The following GALNT1 variants were observed in gnomAD, a reference collection of about 807,000 sequenced individuals.
GALNT1 encodes the protein polypeptide N-acetylgalactosaminyltransferase 1.
Under a neutral mutation model 65.7 loss-of-function variants are expected in GALNT1, and 17 were observed. The observed-to-expected ratio is 0.26, with a 90% CI of 0.18 to 0.39. GALNT1 has a LOEUF of 0.39. Ranked by LOEUF, GALNT1 falls within the 10% of genes least tolerant of loss-of-function variation. The probability of loss-of-function intolerance (pLI) is 1.00; values close to 1 mark genes in which losing one functional copy is unlikely to be tolerated. For missense variants in GALNT1, 460 were observed against 672.8 expected, an observed-to-expected ratio of 0.68 and a Z score of 3.50; for synonymous variants, 210 against 219.7, an observed-to-expected ratio of 0.96 and a Z score of 0.39.
At chr18:35,703,051 C>A (rs189014219) in intron 10 of GALNT1, 56 bp downstream of exon 10, 268 of 1,064,330 alleles carry the variant, frequency 2.5e-4, no homozygotes, top group East Asian at 8.0e-4. Context: ...TTTTACTTTG[C>A]CTTTTTTTTA....
At chr18:35,627,909 C>G (rs566737817) in intron 1 of GALNT1, among the ~76,000 whole-genome samples, 2 of 152,202 alleles carry the variant, frequency 1.3e-5, no homozygotes, top group African/African-American at 4.8e-5. Flanking sequence ...AAACGGCACA[C>G]CAGGAGATTA....
chr18:35,697,597 T>G (rs1202090441), intron 9 of GALNT1, among the ~76,000 whole-genome samples: 1 of 152,198 alleles, frequency 6.6e-6, no homozygotes, highest in Non-Finnish European at 1.5e-5. Context: ...TTCTTCAGAT[T>G]GTGGTTTTTG....
At chr18:35,696,562 G>A (rs558725199) in intron 9 of GALNT1, among the ~76,000 whole-genome samples, 1 of 152,340 alleles carries the variant, frequency 6.6e-6, no homozygotes, top group East Asian at 1.9e-4. Flanking sequence ...TACTGGTTTA[G>A]TCAGTTTTAG....
chr18:35,708,246 A>C (rs180913313), intron 11 of GALNT1, among the ~76,000 whole-genome samples: 189 of 152,294 alleles, frequency 1.2e-3, no homozygotes, highest in Non-Finnish European at 2.3e-3. Flanking sequence ...GCATTAAAAA[A>C]AGAAAAAAAA....
At chr18:35,684,539 TAGAG>T (rs1380460046) in intron 5 of GALNT1, among the ~76,000 whole-genome samples, 9 of 152,078 alleles carry the variant, frequency 5.9e-5, no homozygotes, top group Admixed American at 6.6e-5. Context: ...ACACAACCCA[TAGAG>T]AGAAAGCAAG....
chr18:35,601,461 T>C (rs766936198), intron 1 of GALNT1, among the ~76,000 whole-genome samples: 90 of 152,118 alleles, frequency 5.9e-4, no homozygotes, highest in Non-Finnish European at 1.1e-3. Flanking sequence ...TTCTTTATTA[T>C]TTTTTCCTTC....
At chr18:35,611,185 G>A (rs190983359) in intron 1 of GALNT1, among the ~76,000 whole-genome samples, 1 of 152,260 alleles carries the variant, frequency 6.6e-6, no homozygotes, top group East Asian at 1.9e-4. Context: ...GATAAAGGTG[G>A]AGCTGTTTTG....
At chr18:35,692,142 C>T (rs748160032) in intron 8 of GALNT1, 39 bp from the exon 9 acceptor site, 1 of 1,562,366 alleles carries the variant, frequency 6.4e-7, no homozygotes. Flanking sequence ...TTACCTAAAA[C>T]AACACTAATA....
chr18:35,624,868 A>G (rs2046896683), intron 1 of GALNT1, among the ~76,000 whole-genome samples: 2 of 152,016 alleles, frequency 1.3e-5, no homozygotes, highest in South Asian at 2.1e-4. Context: ...ATTTTTATTT[A>G]TTTACTAAAT....
chr18:35,687,893 T>G (rs759728797), intron 6 of GALNT1, among the ~76,000 whole-genome samples: 5 of 152,176 alleles, frequency 3.3e-5, no homozygotes, highest in Non-Finnish European at 5.9e-5. Flanking sequence ...AGCTTTTCTG[T>G]TTTTGGGCCT....
At chr18:35,598,447 T>G (rs1299046106) in intron 1 of GALNT1, among the ~76,000 whole-genome samples, 3 of 152,164 alleles carry the variant, frequency 2.0e-5, no homozygotes, top group Non-Finnish European at 4.4e-5. Flanking sequence ...TGAGATCCAC[T>G]TTCTTAGTTC....
chr18:35,662,107 A>G (rs16966979), intron 2 of GALNT1, among the ~76,000 whole-genome samples: 2 of 151,948 alleles, frequency 1.3e-5, no homozygotes, highest in Non-Finnish European at 1.5e-5. Flanking sequence ...GTTTAACAGT[A>G]TTTGATTTTT....
chr18:35,690,885 T>C, intron 7 of GALNT1, 127 bp from the exon 8 acceptor site: 3 of 792,016 alleles, frequency 3.8e-6, no homozygotes, highest in Non-Finnish European at 3.9e-6. Context: ...CTACAATATG[T>C]TCCATTTAAG....
intron 1 of GALNT1, among the ~76,000 whole-genome samples, chr18:35,620,137 C>G (rs2046833551): frequency 6.6e-6 from 1 of 152,186 alleles, no homozygotes; most frequent in Non-Finnish European, 1.5e-5. Context: ...CAGCTCCTAT[C>G]TTTCTGTGTT....
intron 11 of GALNT1, among the ~76,000 whole-genome samples, chr18:35,706,414 A>G (rs1304794031): frequency 6.6e-6 from 1 of 152,092 alleles, no homozygotes; most frequent in Non-Finnish European, 1.5e-5. Flanking sequence ...AGGCAGGAGA[A>G]TGGCGTGAAC....
chr18:35,703,432 C>A, intron 10 of GALNT1, 77 bp from the exon 11 acceptor site: 1 of 1,324,132 alleles, frequency 7.6e-7, no homozygotes, highest in Non-Finnish European at 1.1e-6. Flanking sequence ...CTTGTATTTT[C>A]CCTGACAGCT....
At chr18:35,638,632 T>C (rs2047123642) in intron 1 of GALNT1, among the ~76,000 whole-genome samples, 2 of 152,238 alleles carry the variant, frequency 1.3e-5, no homozygotes, top group African/African-American at 4.8e-5. Context: ...CAAATCCTTT[T>C]CTGAAGCTTT....
At chr18:35,675,630 T>G (rs1169462532) in intron 3 of GALNT1, among the ~76,000 whole-genome samples, 1 of 152,242 alleles carries the variant, frequency 6.6e-6, no homozygotes, top group Non-Finnish European at 1.5e-5. Context: ...TTCCTAGCCA[T>G]AGACATGGCT....
intron 1 of GALNT1, among the ~76,000 whole-genome samples, chr18:35,584,875 A>G (rs2046362292): frequency 1.3e-5 from 2 of 152,224 alleles, no homozygotes; most frequent in Non-Finnish European, 2.9e-5. Context: ...CTGTGTGGCC[A>G]GGTTTCTAAC....
Sources: gnomAD v4.1 joint callset for allele counts (sites outside exome capture counted in the v4.1 genomes callset) on GRCh38, gnomAD v4.1.1 for gene constraint, MANE v1.5 for transcripts, NCBI Gene and HGNC (gene_info 2026-07-23, HGNC 2026-07-21) for gene names.